The following APPL2 variants were observed in gnomAD, a reference collection of about 807,000 sequenced individuals.
APPL2 encodes DCC-interacting protein 13-beta.
In APPL2, 84 loss-of-function variants were observed where a neutral mutation model predicts 92.7. The observed-to-expected ratio is 0.91, with a 90% CI of 0.76 to 1.09. APPL2 has a LOEUF of 1.09. APPL2 is among the 50% of genes least tolerant of loss of function. The pLI is 0.00. For synonymous variants in APPL2, 291 were observed against 291.0 expected (o/e 1.00, Z 0.00); for missense variants, 736 against 824.5 (o/e 0.89, Z 1.31).
At chr12:105,184,203 C>T (rs777572874) in intron 17 of APPL2, among the ~76,000 whole-genome samples, 1 of 152,180 alleles carries the variant, frequency 6.6e-6, no homozygotes, top group Non-Finnish European at 1.5e-5. Context: ...TGGGTTAGAA[C>T]ATGCTCCTTT....
intron 17 of APPL2, among the ~76,000 whole-genome samples, chr12:105,181,207 A>G (rs1300572514): frequency 2.0e-5 from 3 of 152,160 alleles, no homozygotes; most frequent in African/African-American, 7.2e-5. Context: ...TTCTGCATCT[A>G]TTGAGATAAT....
intron 14 of APPL2, among the ~76,000 whole-genome samples, chr12:105,190,830 TG>T (rs1235020454): frequency 1.3e-5 from 2 of 152,200 alleles, no homozygotes; most frequent in African/African-American, 4.8e-5. Context: ...GCTGACATTG[TG>T]GCCCATCAAA....
chr12:105,232,446 T>C (rs893960818), intron 1 of APPL2, among the ~76,000 whole-genome samples: 2 of 152,174 alleles, frequency 1.3e-5, no homozygotes, highest in African/African-American at 4.8e-5. Context: ...GAGAAAATTT[T>C]AAGGTTATAA....
chr12:105,236,138 G>C lies in APPL2; in HGVS notation c.-126C>G, dbSNP rs528724837. On this transcript the variant is annotated 5_prime_UTR_variant, in exon 1 of 21. Transcript: ENST00000258530. ...GCCACTCCGTGCCCGCGGCGGCCCC[G>C]CGCGCGTCCACGCCTGGCCAGTGGC... The C allele has an allele frequency of 8.4e-6, 5 of 595,954 alleles. No individual in the cohort carries two copies. In the South Asian group the frequency reaches 3.1e-4, roughly 37 times the overall value. The allele number at this position is 595,954 out of a possible 1,614,324, so 36.9% of individuals were successfully genotyped here.
At position 105,194,552 on chromosome 12, in the gene APPL2, G is replaced by A. The variant is rs561491354; in HGVS notation, c.1241+709C>T. ...TTAAAAATACAAAAATTAGCCAGGTGTGGTGGTGGGCGCCTGTAATCCCAG... is the reference window on the plus strand; with the variant it reads ...TTAAAAATACAAAAATTAGCCAGGTATGGTGGTGGGCGCCTGTAATCCCAG... On this transcript the variant is annotated intron_variant, in intron 14 of 20. Coordinates refer to ENST00000258530, the MANE Select transcript of APPL2 (RefSeq NM_018171.5). 1.4e-4 allele frequency among the ~76,000 whole-genome samples: 22 copies of A among 152,190 alleles called. No individual in the cohort carries two copies. In the South Asian group the frequency reaches 4.4e-3, roughly 30 times the overall value.
chr12:105,204,559 G>A (rs1888540522), intron 8 of APPL2, among the ~76,000 whole-genome samples: 1 of 152,138 alleles, frequency 6.6e-6, no homozygotes, highest in African/African-American at 2.4e-5. Context: ...CTGGCCCCAT[G>A]ATCTTTAAAT....
intron 1 of APPL2, among the ~76,000 whole-genome samples, chr12:105,234,175 A>G (rs1462428908): frequency 6.6e-6 from 1 of 152,268 alleles, no homozygotes; most frequent in African/African-American, 2.4e-5. Context: ...AACATATTAA[A>G]TAAGAATGAT....
intron 10 of APPL2, 24 bp from the exon 11 acceptor site, chr12:105,197,977 C>A: frequency 6.2e-7 from 1 of 1,606,936 alleles, no homozygotes; most frequent in Non-Finnish European, 8.5e-7. Context: ...TTTAAAAAGC[C>A]CATTAGTACC....
intron 11 of APPL2, 93 bp from the exon 12 acceptor site, chr12:105,195,720 G>A (rs1887582637): frequency 7.1e-7 from 1 of 1,407,656 alleles, no homozygotes; most frequent in Non-Finnish European, 1.0e-6. Context: ...GGGTGTGGGA[G>A]GAAAAGTGCC....
At chr12:105,203,807 T>G (rs1207758218) in intron 8 of APPL2, 22 bp from the exon 9 acceptor site, 1 of 1,593,736 alleles carries the variant, frequency 6.3e-7, no homozygotes. Flanking sequence ...AATTATAATA[T>G]TCTGAAAATC....
At chr12:105,200,576 C>T (rs1592790290) in intron 9 of APPL2, among the ~76,000 whole-genome samples, 1 of 152,180 alleles carries the variant, frequency 6.6e-6, no homozygotes. Flanking sequence ...CCGCACCAGG[C>T]CACCCCACCC....
At chr12:105,211,366 T>C in intron 4 of APPL2, 49 bp from the exon 5 acceptor site, 6 of 1,338,170 alleles carry the variant, frequency 4.5e-6, no homozygotes, top group Non-Finnish European at 6.4e-6. Flanking sequence ...ATTATTATTA[T>C]TGACATAGTC....
chr12:105,218,244 C>G (rs942116939), intron 2 of APPL2, among the ~76,000 whole-genome samples: 1 of 152,052 alleles, frequency 6.6e-6, no homozygotes, highest in Non-Finnish European at 1.5e-5. Flanking sequence ...AATACCAAAA[C>G]AAATCAAAAG....
chr12:105,229,292 C>G (rs890649654), intron 1 of APPL2, 69 bp from the exon 2 acceptor site: 1 of 1,391,264 alleles, frequency 7.2e-7, no homozygotes, highest in Non-Finnish European at 9.9e-7. Context: ...GGAGGAAGAT[C>G]CACACACCCG....
At position 105,197,821 on chromosome 12, in the gene APPL2, G is replaced by A. The variant is rs1409974970; in HGVS notation, c.996C>T (p.Ala332=). The change falls in exon 11 of 21, where the codon GCC becomes GCT. Residue 332 remains alanine (A), a synonymous_variant. Coordinates refer to ENST00000258530, the MANE Select transcript of APPL2 (RefSeq NM_018171.5). ...AGTAGCGCCGGTCTTCGCAATCCAC[G>A]GCCATCACTGAGCAGTTGTCCAGGT... ...IQDLDNCSVM[A]VDCEDRRYCF... is the part of the protein sequence containing the mutation. The A allele has an allele frequency of 2.9e-5, 46 of 1,614,032 alleles. No individual in the cohort carries two copies. The highest frequency in any genetic ancestry group is 4.5e-5 in the East Asian group (2 of 44,888).
intron 17 of APPL2, among the ~76,000 whole-genome samples, chr12:105,181,570 GC>G (rs1004612012): frequency 2.0e-5 from 3 of 152,158 alleles, no homozygotes; most frequent in Non-Finnish European, 4.4e-5. Context: ...GTAGAATGTG[GC>G]TGTGAATCCA....
chr12:105,189,040 A>G lies in APPL2; in HGVS notation c.1460-593T>C, dbSNP rs141220954. Among the ~76,000 whole-genome samples, 907 of 152,188 alleles carry G rather than the reference A, an allele frequency of 6.0e-3. 18 individuals carry two copies. Among genetic ancestry groups the G allele is most frequent in the African/African-American group, 0.021 (857 of 41,512 alleles). On this transcript the variant is annotated intron_variant, in intron 16 of 20. Transcript: ENST00000258530. The stretch of plus-strand genomic sequence containing the variant: ...TTTTTTCTTTTTTTTCTTTTTTGAG[A>G]CAGGGTCTCACTCTGTAGCCCAGGC...
intron 17 of APPL2, among the ~76,000 whole-genome samples, chr12:105,180,285 T>C (rs1298370454): frequency 6.6e-6 from 1 of 152,212 alleles, no homozygotes; most frequent in East Asian, 1.9e-4. Flanking sequence ...CAGATGGTTG[T>C]AGATGTTTGG....
At chr12:105,175,315 T>G (rs1161667949) in intron 20 of APPL2, among the ~76,000 whole-genome samples, 1 of 152,252 alleles carries the variant, frequency 6.6e-6, no homozygotes, top group Non-Finnish European at 1.5e-5. Context: ...TGCTTGCCAC[T>G]ATTTCATGTA....
Sources: gnomAD v4.1 joint callset for allele counts (sites outside exome capture counted in the v4.1 genomes callset) on GRCh38, gnomAD v4.1.1 for gene constraint, MANE v1.5 for transcripts, NCBI Gene and HGNC (gene_info 2026-07-23, HGNC 2026-07-21) for gene names.